The following GALNT10 variants were observed in gnomAD, a reference collection of about 807,000 sequenced individuals.
GALNT10 encodes polypeptide N-acetylgalactosaminyltransferase 10.
In GALNT10, 41 loss-of-function variants were observed where a neutral mutation model predicts 75.0. The observed-to-expected ratio is 0.55, with a 90% CI of 0.43 to 0.71. The LOEUF (loss-of-function observed/expected upper bound fraction) is 0.71, where lower values mean the gene tolerates loss of function less well. Ranked by LOEUF, GALNT10 falls within the 30% of genes least tolerant of loss-of-function variation. The pLI is 0.00. For synonymous variants in GALNT10, 302 were observed against 313.0 expected, an observed-to-expected ratio of 0.96 and a Z score of 0.37; for missense variants, 727 against 818.5, an observed-to-expected ratio of 0.89 and a Z score of 1.36.
intron 1 of GALNT10, among the ~76,000 whole-genome samples, chr5:154,275,328 G>A (rs186991413): frequency 6.6e-6 from 1 of 152,336 alleles, no homozygotes; most frequent in East Asian, 1.9e-4. Flanking sequence ...GGGAATTGAG[G>A]ATAGTTGTTC....
intron 1 of GALNT10, among the ~76,000 whole-genome samples, chr5:154,246,200 G>T (rs1243337165): frequency 6.6e-6 from 1 of 152,052 alleles, no homozygotes; most frequent in Non-Finnish European, 1.5e-5. Flanking sequence ...TCTTAATCCA[G>T]TCTATCATTG....
chr5:154,413,795 A>G (rs1354426333), intron 10 of GALNT10, among the ~76,000 whole-genome samples: 1 of 152,240 alleles, frequency 6.6e-6, no homozygotes, highest in Non-Finnish European at 1.5e-5. Context: ...TACAACAACA[A>G]AAACACAATC....
intron 1 of GALNT10, among the ~76,000 whole-genome samples, chr5:154,206,149 A>T (rs571430033): frequency 1.3e-5 from 2 of 152,296 alleles, no homozygotes; most frequent in East Asian, 3.9e-4. Flanking sequence ...TTTTTAATTC[A>T]TGGAAAAGAT....
Position 154,409,125 on chromosome 5 carries a change from G to C in GALNT10, c.1165-416G>C, listed in dbSNP as rs1273357262. Among the ~76,000 whole-genome samples the C allele has an allele frequency of 6.6e-6, 1 of 152,220 alleles. No homozygotes were observed. Among genetic ancestry groups the C allele is most frequent in the Non-Finnish European group, 1.5e-5 (1 of 68,042 alleles). Reference sequence around the variant, plus strand: ...CCCAAGGCTGATGCCTGTTGGTTGTGATTGGTGGGGCTTAGGGAATGGGTC... The same window carrying C: ...CCCAAGGCTGATGCCTGTTGGTTGTCATTGGTGGGGCTTAGGGAATGGGTC... On this transcript the variant is annotated intron_variant, in intron 8 of 11. Coordinates refer to ENST00000297107, the MANE Select transcript of GALNT10 (RefSeq NM_198321.4). This position sits in a 1 kb window ranked among gnomAD's most constrained non-coding sequence, Gnocchi z 4.5.
At chr5:154,313,743 A>T (rs768365019) in intron 3 of GALNT10, among the ~76,000 whole-genome samples, 3 of 152,134 alleles carry the variant, frequency 2.0e-5, no homozygotes, top group African/African-American at 4.8e-5. Flanking sequence ...AGGAGGGTAG[A>T]GAAGGGCTGG....
At chr5:154,408,958 T>C (rs1756339045) in intron 8 of GALNT10, among the ~76,000 whole-genome samples, 1 of 152,022 alleles carries the variant, frequency 6.6e-6, no homozygotes, top group East Asian at 1.9e-4. Context: ...CTCTGCTTCA[T>C]TCTGGGTTGA....
At chr5:154,325,367 GA>G (rs1326639752) in intron 3 of GALNT10, among the ~76,000 whole-genome samples, 1 of 152,032 alleles carries the variant, frequency 6.6e-6, no homozygotes, top group Non-Finnish European at 1.5e-5. Context: ...TTAATGTTAA[GA>G]ATTTATATTT....
intron 1 of GALNT10, chr5:154,219,970 T>A (rs1412801282): frequency 6.6e-6 from 1 of 152,092 alleles, no homozygotes; most frequent in African/African-American, 2.4e-5. Context: ...ATGGTAGGCA[T>A]AGGAGAATTT....
intron 1 of GALNT10, among the ~76,000 whole-genome samples, chr5:154,207,991 G>T (rs1171847084): frequency 6.6e-6 from 1 of 152,130 alleles, no homozygotes; most frequent in Non-Finnish European, 1.5e-5. Context: ...TCAGATGTTT[G>T]CAACCAGACC....
At chr5:154,369,415 G>C (rs749931945) in intron 4 of GALNT10, among the ~76,000 whole-genome samples, 4 of 151,958 alleles carry the variant, frequency 2.6e-5, no homozygotes, top group Admixed American at 2.0e-4. Flanking sequence ...ACCCCAAAAA[G>C]AATGAAATGA....
At chr5:154,404,633 TCA>T (rs1756235837) in intron 8 of GALNT10, among the ~76,000 whole-genome samples, 1 of 152,210 alleles carries the variant, frequency 6.6e-6, no homozygotes, top group Non-Finnish European at 1.5e-5. Context: ...ACCTGTAATT[TCA>T]CAGATATTAT....
intron 1 of GALNT10, among the ~76,000 whole-genome samples, chr5:154,208,512 G>A (rs957266711): frequency 7.2e-5 from 11 of 152,122 alleles, no homozygotes; most frequent in African/African-American, 2.7e-4. Flanking sequence ...TTTAAAATGA[G>A]CCTGATAATA....
intron 1 of GALNT10, among the ~76,000 whole-genome samples, chr5:154,198,487 A>T (rs1053795898): frequency 3.3e-5 from 5 of 152,206 alleles, no homozygotes; most frequent in Non-Finnish European, 5.9e-5. Context: ...GAAGGTGAGC[A>T]ATTCGAAGAT....
intron 4 of GALNT10, among the ~76,000 whole-genome samples, chr5:154,354,830 A>T (rs1488159820): frequency 1.3e-5 from 2 of 152,230 alleles, no homozygotes; most frequent in African/African-American, 4.8e-5. Flanking sequence ...TGTAGCTCTT[A>T]TAGCCCCAGG....
chr5:154,408,973 A>G (rs1279365787), intron 8 of GALNT10, among the ~76,000 whole-genome samples: 2 of 152,106 alleles, frequency 1.3e-5, no homozygotes, highest in Non-Finnish European at 2.9e-5. Context: ...GGTTGATTTC[A>G]TCCTTGGACA....
intron 1 of GALNT10, among the ~76,000 whole-genome samples, chr5:154,200,784 G>T (rs1392179244): frequency 6.6e-6 from 1 of 152,106 alleles, no homozygotes; most frequent in Non-Finnish European, 1.5e-5. Context: ...CACCTTACCT[G>T]TATACTTTAA....
At chr5:154,209,351 G>A (rs942211249) in intron 1 of GALNT10, among the ~76,000 whole-genome samples, 1 of 152,198 alleles carries the variant, frequency 6.6e-6, no homozygotes, top group Non-Finnish European at 1.5e-5. Flanking sequence ...AGGGAAACAC[G>A]TTTAAGGGCC....
chr5:154,292,938 T>A (rs1581959367), intron 1 of GALNT10, among the ~76,000 whole-genome samples: 1 of 152,130 alleles, frequency 6.6e-6, no homozygotes, highest in East Asian at 1.9e-4. Context: ...CTAAGAATGC[T>A]GAGAACTGTT....
chr5:154,342,941 C>G (rs1018055960), intron 4 of GALNT10, among the ~76,000 whole-genome samples: 3 of 152,206 alleles, frequency 2.0e-5, no homozygotes, highest in Non-Finnish European at 4.4e-5. Context: ...CTGTTTTCTC[C>G]TCACTCATCA....
Sources: gnomAD v4.1 joint callset for allele counts (sites outside exome capture counted in the v4.1 genomes callset) on GRCh38, gnomAD v4.1.1 for gene constraint, Gnocchi (gnomAD v3.1) non-coding constraint, MANE v1.5 for transcripts, NCBI Gene and HGNC (gene_info 2026-07-23, HGNC 2026-07-21) for gene names.